ADGRV1: variants seen among roughly 807,000 people sequenced by gnomAD.
ADGRV1 encodes adhesion G protein-coupled receptor V1.
A neutral mutation model predicts 596.2 loss-of-function variants in ADGRV1; 359 were observed. That is an observed-to-expected ratio of 0.60 (90% CI 0.55 to 0.66). The LOEUF (loss-of-function observed/expected upper bound fraction) is 0.66. ADGRV1 is among the 30% of genes least tolerant of loss of function. The probability of loss-of-function intolerance (pLI) is 0.00; values close to 1 mark genes in which losing one functional copy is unlikely to be tolerated. For synonymous variants in ADGRV1, 2,681 were observed against 2,679.2 expected (o/e 1.00, Z -0.02); for missense variants, 7,274 against 7,575.6 (o/e 0.96, Z 1.48).
chr5:90,722,391 G>T (rs1751166831), intron 45 of ADGRV1, among the ~76,000 whole-genome samples: 1 of 151,942 alleles, frequency 6.6e-6, no homozygotes, highest in East Asian at 1.9e-4. Context: ...TTACTTTTGA[G>T]AATAAATTTC....
At chr5:90,853,210 C>T in intron 79 of ADGRV1, 74 bp from the exon 80 acceptor site, 1 of 1,417,616 alleles carries the variant, frequency 7.1e-7, no homozygotes, top group South Asian at 1.5e-5. Context: ...GTGTAATGCA[C>T]TTTAACAAAT....
intron 82 of ADGRV1, among the ~76,000 whole-genome samples, chr5:90,859,172 A>G (rs1297771767): frequency 4.6e-5 from 7 of 152,026 alleles, no homozygotes; most frequent in African/African-American, 7.2e-5. Flanking sequence ...AGGAGTTCCT[A>G]CTATATTGCT....
chr5:90,714,801 G>C (rs573708953), intron 42 of ADGRV1, among the ~76,000 whole-genome samples: 1 of 151,160 alleles, frequency 6.6e-6, no homozygotes, highest in Admixed American at 6.6e-5. Context: ...ACTCTGTTTT[G>C]TTCTATTTGC....
chr5:91,064,115 T>C (rs73187167), intron 85 of ADGRV1, among the ~76,000 whole-genome samples: 5,944 of 152,172 alleles, frequency 0.039, 154 homozygotes, highest in South Asian at 0.12. Context: ...TATTTTTAAG[T>C]GAGAGGTTTT....
chr5:90,850,252 A>G (rs774826382), intron 79 of ADGRV1, among the ~76,000 whole-genome samples: 1 of 152,202 alleles, frequency 6.6e-6, no homozygotes, highest in African/African-American at 2.4e-5. Context: ...AAGGTACAGA[A>G]TCAACATATC....
At chr5:90,799,516 T>C (rs1581162745) in intron 70 of ADGRV1, among the ~76,000 whole-genome samples, 2 of 152,206 alleles carry the variant, frequency 1.3e-5, no homozygotes, top group East Asian at 3.9e-4. Flanking sequence ...AAGTAATTTA[T>C]AGATTCAGTG....
At chr5:90,901,683 A>G (rs1202672144) in intron 83 of ADGRV1, among the ~76,000 whole-genome samples, 2 of 152,128 alleles carry the variant, frequency 1.3e-5, no homozygotes, top group Admixed American at 1.3e-4. Flanking sequence ...TGACTGTGAC[A>G]TATGTATTTA....
intron 86 of ADGRV1, among the ~76,000 whole-genome samples, chr5:91,095,764 T>TTAATAAATAA (rs1582041752): frequency 6.6e-6 from 1 of 152,136 alleles, no homozygotes; most frequent in East Asian, 1.9e-4. Context: ...CTGTTGGAAA[T>TTAATAAATAA]AGATCCATTA....
intron 87 of ADGRV1, among the ~76,000 whole-genome samples, chr5:91,138,488 G>C (rs1794829019): frequency 6.6e-6 from 1 of 151,952 alleles, no homozygotes; most frequent in African/African-American, 2.4e-5. Context: ...AACATCCTTA[G>C]AGAACTCCTA....
intron 17 of ADGRV1, among the ~76,000 whole-genome samples, chr5:90,650,106 G>A (rs1295322818): frequency 6.6e-6 from 1 of 152,156 alleles, no homozygotes; most frequent in Admixed American, 6.5e-5. Flanking sequence ...AAACATCAAG[G>A]ACTTGTGGGA....
rs61744480 is a variant in ADGRV1, at chr5:90,629,222, A to C, written c.1522A>C (p.Ile508Leu). 3,413 of 1,572,574 alleles carry C rather than the reference A, an allele frequency of 2.2e-3. 4 individuals carry two copies. Among genetic ancestry groups the C allele is most frequent in the Middle Eastern group, 5.6e-3 (33 of 5,858 alleles). Residue 508 changes from isoleucine (I) to leucine (L), a missense_variant, in exon 9 of 90, where the codon ATT becomes CTT. Ile to Leu is a conservative substitution (Grantham distance 5). Transcript: ENST00000405460. ...VSEPAELLFY[I>L]QDSDDVYGLI... is the part of the protein sequence containing the mutation. ...TCCTTTACTTCAGCTTTTGTTCTACATTCAGGATAGTGATGATGTCTATGG... is the reference window on the plus strand; with the variant it reads ...TCCTTTACTTCAGCTTTTGTTCTACCTTCAGGATAGTGATGATGTCTATGG...
chr5:90,965,420 G>A lies in ADGRV1; in HGVS notation c.17862G>A (p.Leu5954=). 2 of 1,603,330 alleles carry A rather than the reference G, an allele frequency of 1.2e-6. No individual in the cohort carries two copies. The highest frequency in any genetic ancestry group is 1.7e-6 in the Non-Finnish European group (2 of 1,170,230). ...MMAASLGTQI[L]FLASAYASPQ... is the part of the protein sequence containing the mutation. ...GAAGTATCTGTTTCTTACAGATTCT[G>A]TTTCTGGCGTCTGCATACGCAAGTC... Residue 5954 remains leucine (L), a synonymous_variant, in exon 84 of 90, where the codon CTG becomes CTA. Transcript: ENST00000405460.
chr5:91,023,456 G>C (rs925685388), intron 85 of ADGRV1, among the ~76,000 whole-genome samples: 2 of 152,110 alleles, frequency 1.3e-5, no homozygotes, highest in Non-Finnish European at 2.9e-5. Context: ...AGTTGTTGCT[G>C]TATATTCAAA....
chr5:90,985,461 A>G lies in ADGRV1; in HGVS notation c.18091A>G (p.Ile6031Val). ...PAFVVILLIV[I>V]LKGIYHQSMS... ...TTTTGTGGTGATTCTCCTCATAGTT[A>G]TTTTGAAAGGAATCTATCATCAGAG... The change falls in exon 85 of 90, where the codon ATT becomes GTT. Residue 6031 changes from isoleucine (I) to valine (V), a missense_variant. Ile to Val is a conservative substitution (Grantham distance 29). Around this residue, in one of 5 missense-constraint regions of ADGRV1, gnomAD observed 1,874 missense variants for 1,970.2 expected, o/e 0.95. Transcript: ENST00000405460. 6.2e-7 allele frequency: 1 copy of G among 1,613,778 alleles called. No individual in the cohort carries two copies. Among genetic ancestry groups the G allele is most frequent in the Non-Finnish European group, 8.5e-7 (1 of 1,179,772 alleles).
At chr5:91,080,878 C>G (rs1789296964) in intron 86 of ADGRV1, among the ~76,000 whole-genome samples, 1 of 152,154 alleles carries the variant, frequency 6.6e-6, no homozygotes, top group African/African-American at 2.4e-5. Flanking sequence ...AGAACCCTTT[C>G]AATATGTAAT....
At chr5:90,634,172 C>T (rs541183051) in intron 9 of ADGRV1, among the ~76,000 whole-genome samples, 178 of 152,264 alleles carry the variant, frequency 1.2e-3, no homozygotes, top group African/African-American at 4.0e-3. Flanking sequence ...CTGAAGTGAA[C>T]ACTGTGTGCA....
chr5:91,010,461 A>G (rs1425419746), intron 85 of ADGRV1, among the ~76,000 whole-genome samples: 1 of 152,128 alleles, frequency 6.6e-6, no homozygotes, highest in East Asian at 1.9e-4. Context: ...TATGAATTGT[A>G]AGAGAAGCTG....
intron 1 of ADGRV1, among the ~76,000 whole-genome samples, chr5:90,572,255 C>A (rs1033169675): frequency 6.6e-6 from 1 of 151,968 alleles, no homozygotes; most frequent in Non-Finnish European, 1.5e-5. Context: ...TTTTGGGTAG[C>A]AGCAAAACAA....
intron 10 of ADGRV1, among the ~76,000 whole-genome samples, chr5:90,636,593 A>C (rs72782735): frequency 0.011 from 1,600 of 152,242 alleles, 15 homozygotes; most frequent in Non-Finnish European, 0.017. Context: ...GGCTCCTTGG[A>C]CCTGCATTCT....
Sources: allele counts gnomAD v4.1 joint callset (sites outside exome capture counted in the v4.1 genomes callset), GRCh38; gene constraint gnomAD v4.1.1; regional missense constraint gnomAD v4.1.1; transcripts MANE v1.5; gene names NCBI Gene and HGNC (gene_info 2026-07-23, HGNC 2026-07-21).